Variants in ITGAE observed in about 807,000 individuals in gnomAD.
The protein encoded by ITGAE is integrin subunit alpha E.
A neutral mutation model predicts 136.5 loss-of-function variants in ITGAE; 99 were observed. That is an observed-to-expected ratio of 0.73 (90% CI 0.62 to 0.86). The LOEUF is 0.86. Ranked by LOEUF, ITGAE falls within the 40% of genes least tolerant of loss-of-function variation. The probability of loss-of-function intolerance (pLI) is 0.00; values close to 1 mark genes in which losing one functional copy is unlikely to be tolerated. For synonymous variants in ITGAE, 613 were observed against 591.8 expected (o/e 1.04, Z -0.52); for missense variants, 1,447 against 1,515.3 (o/e 0.95, Z 0.75).
chr17:3,768,026 C>T (rs2052338983), intron 2 of ITGAE, among the ~76,000 whole-genome samples: 1 of 152,198 alleles, frequency 6.6e-6, no homozygotes, highest in East Asian at 1.9e-4. Flanking sequence ...GCCCTGCTGA[C>T]ACCTTTTCAG....
chr17:3,738,362 G>T (rs3786023), intron 20 of ITGAE, among the ~76,000 whole-genome samples: 1 of 151,930 alleles, frequency 6.6e-6, no homozygotes, highest in Non-Finnish European at 1.5e-5. Context: ...GTAGAGACGG[G>T]GTTTTACCAT....
chr17:3,790,819 G>A (rs927861782), intron 1 of ITGAE, among the ~76,000 whole-genome samples: 12 of 152,078 alleles, frequency 7.9e-5, no homozygotes, highest in Admixed American at 6.6e-5. Flanking sequence ...TGTCATGTGC[G>A]GACCTTGTTT....
At chr17:3,736,038 G>A (rs904246852) in intron 20 of ITGAE, among the ~76,000 whole-genome samples, 1 of 152,168 alleles carries the variant, frequency 6.6e-6, no homozygotes, top group Admixed American at 6.6e-5. Flanking sequence ...CAGCTACTCG[G>A]GAGGCTGAGA....
intron 1 of ITGAE, among the ~76,000 whole-genome samples, chr17:3,800,070 G>C (rs1209496450): frequency 2.0e-5 from 3 of 152,232 alleles, no homozygotes; most frequent in Non-Finnish European, 4.4e-5. Flanking sequence ...GGTGAGCCAA[G>C]ATCCAGCCTG....
chr17:3,733,663 C>A (rs1050326174), intron 21 of ITGAE, among the ~76,000 whole-genome samples: 2 of 152,172 alleles, frequency 1.3e-5, no homozygotes, highest in Non-Finnish European at 2.9e-5. Flanking sequence ...TCAGGTGATC[C>A]GCCCGCCTCG....
chr17:3,764,356 C>G (rs530765857), intron 2 of ITGAE, among the ~76,000 whole-genome samples: 1 of 152,324 alleles, frequency 6.6e-6, no homozygotes, highest in South Asian at 2.1e-4. Flanking sequence ...GGCCTTAGTT[C>G]CTGAGAAGAG....
chr17:3,757,072 C>G lies in ITGAE; in HGVS notation c.1083G>C (p.Pro361=), dbSNP rs148305090. The change falls in exon 10 of 31, where the codon CCG becomes CCC. Residue 361 remains proline (P), a synonymous_variant. Transcript: ENST00000263087. The stretch of plus-strand genomic sequence containing the variant: ...TCACCTTGAAAGCATGGGTCTCATC[C>G]GGGTCTGAGGCGATCAGGTTCAGTT... ...ARELNLIASD[P]DETHAFKVTN... is the part of the protein sequence containing the mutation. The G allele has an allele frequency of 6.2e-7, 1 of 1,614,168 alleles. No individual in the cohort carries two copies. Among genetic ancestry groups the G allele is most frequent in the Non-Finnish European group, 8.5e-7 (1 of 1,180,024 alleles).
chr17:3,747,050 AG>A (rs1370658468), intron 17 of ITGAE, among the ~76,000 whole-genome samples: 1 of 152,162 alleles, frequency 6.6e-6, no homozygotes, highest in South Asian at 2.1e-4. Context: ...GAATCGTTCC[AG>A]GGGGGAGCTC....
chr17:3,795,912 C>T (rs570169983), intron 1 of ITGAE, among the ~76,000 whole-genome samples: 1 of 130,668 alleles, frequency 7.7e-6, no homozygotes, highest in Non-Finnish European at 1.6e-5. Flanking sequence ...TGTGTATGCG[C>T]ATCCGTGTGT....
At position 3,789,455 on chromosome 17, in the gene ITGAE, C is replaced by CCCCT. The variant is rs535855175; in HGVS notation, c.34+11652_34+11655dup. ...TTTTCCTTCCTTCCTTCCTTCCTCC[C>CCCCT]CCCTCCCTCCCTCCCTCCCTTCCCT... On this transcript the variant is annotated intron_variant, in intron 1 of 30. Transcript: ENST00000263087. 2.2e-4 allele frequency among the ~76,000 whole-genome samples: 33 copies of CCCCT among 149,158 alleles called. No homozygotes were observed. The East Asian group carries it at 4.2e-3, about 19-fold the overall frequency.
rs528006815 is a variant in ITGAE, at chr17:3,761,231, G to A, written c.434-54C>T. On this transcript the variant is annotated intron_variant, in intron 5 of 30. Transcript: ENST00000263087. Reference sequence around the variant, plus strand: ...AGTCAGAAAGGCTCCATCCTCGCCTGAGCACGCTCACACATGGTTCTGCCC... The same window carrying A: ...AGTCAGAAAGGCTCCATCCTCGCCTAAGCACGCTCACACATGGTTCTGCCC... 26 of 1,586,738 alleles carry A rather than the reference G, an allele frequency of 1.6e-5. No individual in the cohort carries two copies. In the East Asian group the frequency reaches 5.2e-4, roughly 31 times the overall value.
chr17:3,721,389 A>T (rs2051048292), intron 28 of ITGAE, among the ~76,000 whole-genome samples: 1 of 143,992 alleles, frequency 6.9e-6, no homozygotes, highest in Non-Finnish European at 1.5e-5. Flanking sequence ...CTCCTGCCTC[A>T]GCCTCCCAAG....
intron 29 of ITGAE, chr17:3,717,160 CCT>C (rs1961972036): frequency 5.4e-6 from 1 of 185,992 alleles, no homozygotes; most frequent in African/African-American, 2.4e-5. Context: ...GCTCTATGTC[CCT>C]GAGCCCCGTG....
chr17:3,738,309 T>G (rs532796655), intron 20 of ITGAE, among the ~76,000 whole-genome samples: 3 of 150,326 alleles, frequency 2.0e-5, no homozygotes, highest in Admixed American at 6.6e-5. Flanking sequence ...TAGCTGTGAT[T>G]ACAGGCGCCC....
At chr17:3,727,884 A>G in intron 26 of ITGAE, 35 bp downstream of exon 26, 2 of 1,250,050 alleles carry the variant, frequency 1.6e-6, no homozygotes, top group East Asian at 2.3e-5. Flanking sequence ...CACTGTGGAA[A>G]GAGGTGTGAC....
chr17:3,741,141 A>C (rs1335818028), intron 19 of ITGAE, among the ~76,000 whole-genome samples: 2 of 136,282 alleles, frequency 1.5e-5, no homozygotes, highest in Admixed American at 8.3e-5. Context: ...GCAGTGGCGC[A>C]ATCTCCGCTC....
intron 20 of ITGAE, among the ~76,000 whole-genome samples, chr17:3,739,425 A>C (rs2051533311): frequency 1.3e-5 from 2 of 152,194 alleles, no homozygotes. Flanking sequence ...TTGATTGATT[A>C]GTTAATTTGG....
At chr17:3,766,318 C>A (rs75280975) in intron 2 of ITGAE, among the ~76,000 whole-genome samples, 1 of 152,148 alleles carries the variant, frequency 6.6e-6, no homozygotes, top group Non-Finnish European at 1.5e-5. Context: ...GCAGGAGAAT[C>A]AGAGTCGGAG....
chr17:3,782,270 G>T (rs2052682420), intron 1 of ITGAE, among the ~76,000 whole-genome samples: 1 of 90,830 alleles, frequency 1.1e-5, no homozygotes, highest in Non-Finnish European at 2.1e-5. Context: ...GTGAGACTCG[G>T]CCTCAAAAAA....
Sources: gnomAD v4.1 joint callset for allele counts (sites outside exome capture counted in the v4.1 genomes callset) on GRCh38, gnomAD v4.1.1 for gene constraint, MANE v1.5 for transcripts, NCBI Gene and HGNC (gene_info 2026-07-23, HGNC 2026-07-21) for gene names.